The following EMILIN3 variants were observed in gnomAD, a reference collection of about 807,000 sequenced individuals.
The protein encoded by EMILIN3 is elastin microfibril interfacer 3.
Under a neutral mutation model 42.8 loss-of-function variants are expected in EMILIN3, and 38 were observed. The ratio of observed to expected loss-of-function variants is 0.89; its 90% CI spans 0.69 to 1.16. The LOEUF is 1.16. Ranked by LOEUF, EMILIN3 falls within the 50% of genes most tolerant of loss-of-function variation. The probability of loss-of-function intolerance (pLI) is 0.00; values close to 1 mark genes in which losing one functional copy is unlikely to be tolerated. For missense variants in EMILIN3, 924 were observed against 999.5 expected (o/e 0.92, Z 1.02); for synonymous variants, 430 against 440.5 (o/e 0.98, Z 0.30).
At chr20:41,363,539 T>G (rs910167234) in intron 3 of EMILIN3, 99 bp downstream of exon 3, 1 of 1,230,876 alleles carries the variant, frequency 8.1e-7, no homozygotes, top group Non-Finnish European at 1.1e-6. Context: ...TCCCCATCCA[T>G]GCCGGAGCTC....
rs1323260726 is a variant in EMILIN3 at position 41,366,160 on chromosome 20, T to C, written c.167+308A>G. Among the ~76,000 whole-genome samples, 68 of 152,236 alleles carry C rather than the reference T, an allele frequency of 4.5e-4. 1 individual carries two copies. The highest frequency in any genetic ancestry group is 4.2e-3 in the Admixed American group (65 of 15,310). On this transcript the variant is annotated intron_variant, in intron 1 of 3. Coordinates refer to ENST00000332312, the MANE Select transcript of EMILIN3 (RefSeq NM_052846.2). This position sits in a 1 kb window ranked among gnomAD's most constrained non-coding sequence, Gnocchi z 4.2. ...CCTCCTCTCCCTCCACCTGGTCCGC[T>C]CGCCCGGAGTCTGCACACAGCGCAG...
chr20:41,360,198 T>G lies in EMILIN3; in HGVS notation c.*1070A>C, dbSNP rs1436398340. 6.6e-6 allele frequency: 1 copy of G among 152,608 alleles called. No homozygotes were observed. 9.5% of individuals were successfully genotyped at this position (152,608 alleles called of 1,614,324 possible). ...GGAACATGCATTTTCAAGTTGTCCA[T>G]TGATGGTTTCGTACCTGAATTTCTC... On this transcript the variant is annotated 3_prime_UTR_variant, in exon 4 of 4. Transcript: ENST00000332312.
Position 41,362,249 on chromosome 20 carries a change from C to T in EMILIN3, c.1320G>A (p.Glu440=), listed in dbSNP as rs745878397. Residue 440 remains glutamate (E), a synonymous_variant, in exon 4 of 4, where the codon GAG becomes GAA. Transcript: ENST00000332312. ...CTCCACCCTCTGTCCCATTGAGCGT[C>T]TCCAGACCCTCAAGCAGCCCGTCCA... ...GGVDGLLEGL[E]TLNGTEGGAR... 5.6e-6 allele frequency: 9 copies of T among 1,613,926 alleles called. No homozygotes were observed. The highest frequency in any genetic ancestry group is 7.6e-6 in the Non-Finnish European group (9 of 1,180,000).
rs902881708 is a variant in EMILIN3, at chr20:41,361,409, G to A, written c.2160C>T (p.Pro720=). ...LDSLPTEPLR[P]REGLWSHVDQ... ...CCACATGGCTCCACAGGCCCTCTCT[G>A]GGCCTCAGTGGCTCAGTGGGCAAGC... The change falls in exon 4 of 4, where the codon CCC becomes CCT. Residue 720 remains proline, a synonymous_variant. Transcript: ENST00000332312. 1.6e-5 allele frequency: 25 copies of A among 1,611,710 alleles called. No individual in the cohort carries two copies. Among genetic ancestry groups the A allele is most frequent in the Non-Finnish European group, 2.0e-5 (23 of 1,178,948 alleles).
intron 3 of EMILIN3, 95 bp downstream of exon 3, chr20:41,363,543 G>C: frequency 7.8e-7 from 1 of 1,273,950 alleles, no homozygotes; most frequent in Non-Finnish European, 1.1e-6. Context: ...CATCCATGCC[G>C]GAGCTCAGCC....
rs778005959 is a variant in EMILIN3, at chr20:41,362,300, G to A, written c.1269C>T (p.Leu423=). The change falls in exon 4 of 4, where the codon CTC becomes CTT. Residue 423 remains leucine, a synonymous_variant. Coordinates refer to ENST00000332312, the MANE Select transcript of EMILIN3 (RefSeq NM_052846.2). ...GAPAGDELTR[L]SAAMLEGGVD... is the part of the protein sequence containing the mutation. ...CACCTCCCTCGAGCATGGCAGCAGA[G>A]AGCCTCGTAAGCTCATCCCCGGCCG... is the stretch of plus-strand genomic sequence containing the variant. 3 of 1,613,288 alleles carry A rather than the reference G, an allele frequency of 1.9e-6. No homozygotes were observed. In the South Asian group the frequency reaches 3.3e-5, roughly 18 times the overall value.
Position 41,361,864 on chromosome 20 carries a change from G to A in EMILIN3, c.1705C>T (p.Gln569Ter). The change falls in exon 4 of 4, where the codon CAG becomes TAG. Residue 569 changes from glutamine (Q) to a stop codon, truncating the protein, a stop_gained. Coordinates refer to ENST00000332312, the MANE Select transcript of EMILIN3 (RefSeq NM_052846.2). LOFTEE classifies it high-confidence loss of function. The part of the protein sequence containing the change: ...QQLNGTVAEV[Q>*]GQLAEGTGSS... ...CCCGTCCCTTCTGCCAGCTGTCCCT[G>A]GACCTCGGCCACAGTGCCATTGAGC... The A allele has an allele frequency of 6.2e-7, 1 of 1,613,550 alleles. No individual in the cohort carries two copies. Among genetic ancestry groups the A allele is most frequent in the Non-Finnish European group, 8.5e-7 (1 of 1,180,046 alleles).
Position 41,361,889 on chromosome 20 carries a change from C to T in EMILIN3, c.1680G>A (p.Gln560=), listed in dbSNP as rs146385182. Residue 560 remains glutamine, a synonymous_variant, in exon 4 of 4, where the codon CAG becomes CAA. Coordinates refer to ENST00000332312, the MANE Select transcript of EMILIN3 (RefSeq NM_052846.2). ...GGACCTCGGCCACAGTGCCATTGAG[C>T]TGCTGGAGCAGTGCTGCGTGGCTGG... ...QVASHAALLQ[Q]LNGTVAEVQG... 7 of 1,613,572 alleles carry T rather than the reference C, an allele frequency of 4.3e-6. No individual in the cohort carries two copies. In the Admixed American group the frequency reaches 5.0e-5, roughly 12 times the overall value.
chr20:41,363,566 G>T, intron 3 of EMILIN3, 72 bp downstream of exon 3: 2 of 1,447,016 alleles, frequency 1.4e-6, no homozygotes, highest in East Asian at 2.3e-5. Flanking sequence ...CCTGGGATCA[G>T]TCCCCTCCCT....
chr20:41,363,200 G>C (rs1238182008), intron 3 of EMILIN3, 146 bp from the exon 4 acceptor site: 2 of 743,924 alleles, frequency 2.7e-6, no homozygotes, highest in African/African-American at 3.6e-5. Context: ...GAGTGCAGTG[G>C]TGTGCTCTTG....
At chr20:41,363,279 T>A (rs2147035505) in intron 3 of EMILIN3, among the ~76,000 whole-genome samples, 1 of 152,228 alleles carries the variant, frequency 6.6e-6, no homozygotes, top group African/African-American at 2.4e-5. Flanking sequence ...CAGCTGGGAC[T>A]ACAGGCACCC....
At chr20:41,364,272 G>T (rs73267570) in intron 2 of EMILIN3, among the ~76,000 whole-genome samples, 1 of 152,070 alleles carries the variant, frequency 6.6e-6, no homozygotes, top group Admixed American at 6.5e-5. Flanking sequence ...TGGAGCTGGC[G>T]CTGGCAGCCC....
rs2046366749 is a variant in EMILIN3 at position 41,362,222 on chromosome 20, T to C, written c.1347A>G (p.Ala449=). Residue 449 remains alanine, a synonymous_variant, in exon 4 of 4, where the codon GCA becomes GCG. Transcript: ENST00000332312. ...TGTCCAACCTCAGACAGCATCCCCTTGCTCCACCCTCTGTCCCATTGAGCG... is the reference window on the plus strand; with the variant it reads ...TGTCCAACCTCAGACAGCATCCCCTCGCTCCACCCTCTGTCCCATTGAGCG... The part of the protein sequence containing the change: ...LETLNGTEGG[A]RGCCLRLDMG... 6.2e-7 allele frequency: 1 copy of C among 1,613,598 alleles called. No individual in the cohort carries two copies. Among genetic ancestry groups the C allele is most frequent in the Non-Finnish European group, 8.5e-7 (1 of 1,179,930 alleles).
At position 41,362,641 on chromosome 20, in the gene EMILIN3, G is replaced by A. The variant is rs150684676; in HGVS notation, c.928C>T (p.Arg310Ter). ...LEEYVDRRLH[R>*]LWGSLLDGFE... ...CCATCCAGCAGGCTCCCCCAGAGTC[G>A]GTGCAGCCGTCGGTCCACGTACTCC... Residue 310 changes from arginine to a stop codon, truncating the protein, a stop_gained, in exon 4 of 4, where the codon CGA (arginine) becomes TGA (stop). Coordinates refer to ENST00000332312, the MANE Select transcript of EMILIN3 (RefSeq NM_052846.2). LOFTEE classifies it high-confidence loss of function. The A allele has an allele frequency of 3.7e-6, 6 of 1,607,592 alleles. No individual in the cohort carries two copies. The highest frequency in any genetic ancestry group is 1.6e-4 in the Middle Eastern group (1 of 6,062).
chr20:41,366,725 C>G lies in EMILIN3; in HGVS notation c.-91G>C. On this transcript the variant is annotated 5_prime_UTR_variant, in exon 1 of 4. Transcript: ENST00000332312. This position sits in a 1 kb window ranked among gnomAD's most constrained non-coding sequence, Gnocchi z 4.2. ...GCGCCGCCCCCGCCGCTGGTCGGCCCGGGTCCCGCCCCGAGGGTCCCGGGG... is the reference window on the plus strand; with the variant it reads ...GCGCCGCCCCCGCCGCTGGTCGGCCGGGGTCCCGCCCCGAGGGTCCCGGGG... The G allele has an allele frequency of 2.3e-6, 2 of 885,618 alleles. No individual in the cohort carries two copies. Among genetic ancestry groups the G allele is most frequent in the Non-Finnish European group, 2.7e-6 (2 of 740,542 alleles). The allele number at this position is 885,618 out of a possible 1,614,324, so 54.9% of individuals were successfully genotyped here.
At position 41,363,676 on chromosome 20, in the gene EMILIN3, C is replaced by T. The variant is rs758187096; in HGVS notation, c.476G>A (p.Arg159Lys). The change falls in exon 3 of 4, where the codon AGG becomes AAG. Residue 159 changes from arginine to lysine, a missense_variant. Transcript: ENST00000332312. ...IPSGQLDPGP[R>K]PPSYSRAAPS... ...GGCTGCTCTGCTGTAGGAAGGGGGCCTGGGGCCTGGGTCCAGCTGCCCTGA... is the reference window on the plus strand; with the variant it reads ...GGCTGCTCTGCTGTAGGAAGGGGGCTTGGGGCCTGGGTCCAGCTGCCCTGA... The T allele has an allele frequency of 1.9e-6, 3 of 1,613,552 alleles. No individual in the cohort carries two copies. The highest frequency in any genetic ancestry group is 3.3e-5 in the Admixed American group (2 of 60,022).
rs1041599235 is a variant in EMILIN3 at position 41,366,421 on chromosome 20, G to A, written c.167+47C>T. 5 of 1,093,798 alleles carry A rather than the reference G, an allele frequency of 4.6e-6. No homozygotes were observed. The highest frequency in any genetic ancestry group is 1.7e-5 in the African/African-American group (1 of 59,324). 67.8% of individuals were successfully genotyped at this position (1,093,798 alleles called of 1,614,324 possible). ...CGGGCAGGTGGGAGCGGCGACGCGC[G>A]CGGGCCCATCCCTCCCTCTTCCCGC... is the stretch of plus-strand genomic sequence containing the variant. On this transcript the variant is annotated intron_variant, in intron 1 of 3. Transcript: ENST00000332312. This position sits in a 1 kb window ranked among gnomAD's most constrained non-coding sequence, Gnocchi z 4.2.
chr20:41,361,376 C>T lies in EMILIN3; in HGVS notation c.2193G>A (p.Leu731=). ...GCGTGTGCTGGGCCAGCGTACGATT[C>T]AGCTGGTCCACATGGCTCCACAGGC... ...REGLWSHVDQ[L]NRTLAQHTQD... Residue 731 remains leucine (L), a synonymous_variant, in exon 4 of 4, where the codon CTG becomes CTA. Transcript: ENST00000332312. The T allele has an allele frequency of 1.9e-6, 3 of 1,613,204 alleles. No individual in the cohort carries two copies. Among genetic ancestry groups the T allele is most frequent in the Non-Finnish European group, 2.5e-6 (3 of 1,179,678 alleles).
Position 41,366,253 on chromosome 20 carries a change from GCCCCCTCGGTTCCTTTTTCCTCGCC to G in EMILIN3, c.167+190_167+214del, listed in dbSNP as rs2046393058. Among the ~76,000 whole-genome samples the G allele has an allele frequency of 6.6e-6, 1 of 151,956 alleles. No individual in the cohort carries two copies. Among genetic ancestry groups the G allele is most frequent in the Admixed American group, 6.5e-5 (1 of 15,272 alleles). ...CCAGGATCCCAAGCCGCCGCGCCAGGCCCCCTCGGTTCCTTTTTCCTCGCCAGCCCCGCAACCTCCCGGAGCGTAG... is the reference window on the plus strand; with the variant it reads ...CCAGGATCCCAAGCCGCCGCGCCAGGAGCCCCGCAACCTCCCGGAGCGTAG... On this transcript the variant is annotated intron_variant, in intron 1 of 3. Coordinates refer to ENST00000332312, the MANE Select transcript of EMILIN3 (RefSeq NM_052846.2). This position sits in a 1 kb window ranked among gnomAD's most constrained non-coding sequence, Gnocchi z 4.2.
Sources: gnomAD v4.1 joint callset for allele counts (sites outside exome capture counted in the v4.1 genomes callset) on GRCh38, gnomAD v4.1.1 for gene constraint, Gnocchi (gnomAD v3.1) non-coding constraint, MANE v1.5 for transcripts, NCBI Gene and HGNC (gene_info 2026-07-23, HGNC 2026-07-21) for gene names.